Variants in ZFAND3 observed in about 807,000 individuals in gnomAD.
ZFAND3 encodes AN1-type zinc finger protein 3.
A neutral mutation model predicts 29.6 loss-of-function variants in ZFAND3; 10 were observed. The observed-to-expected ratio is 0.34, with a 90% CI of 0.21 to 0.57. The LOEUF is 0.57. Ranked by LOEUF, ZFAND3 falls within the 20% of genes least tolerant of loss-of-function variation. ZFAND3 has a pLI of 0.86. For synonymous variants in ZFAND3, 128 were observed against 112.6 expected (o/e 1.14, Z -0.87); for missense variants, 230 against 304.5 (o/e 0.76, Z 1.82).
chr6:37,995,089 G>A (rs1436131808), intron 2 of ZFAND3, among the ~76,000 whole-genome samples: 2 of 152,162 alleles, frequency 1.3e-5, no homozygotes, highest in African/African-American at 2.4e-5. Flanking sequence ...GAAAGGTGGT[G>A]GCATGATAAT....
intron 5 of ZFAND3, among the ~76,000 whole-genome samples, chr6:38,118,811 C>G (rs1765471044): frequency 6.6e-6 from 1 of 151,366 alleles, no homozygotes; most frequent in African/African-American, 2.4e-5. Context: ...CACATTCACT[C>G]AAGTAAAGCC....
chr6:38,033,902 G>A (rs549603698), intron 2 of ZFAND3, among the ~76,000 whole-genome samples: 1 of 152,238 alleles, frequency 6.6e-6, no homozygotes, highest in Non-Finnish European at 1.5e-5. Flanking sequence ...ATTTAAACAA[G>A]CAGAGTTAAA....
intron 4 of ZFAND3, among the ~76,000 whole-genome samples, chr6:38,094,159 A>C (rs567893982): frequency 6.6e-6 from 1 of 152,162 alleles, no homozygotes; most frequent in Non-Finnish European, 1.5e-5. Flanking sequence ...AAATAATACC[A>C]TAAGTTGTAA....
At chr6:38,148,592 T>A (rs949249961) in intron 5 of ZFAND3, among the ~76,000 whole-genome samples, 6 of 152,140 alleles carry the variant, frequency 3.9e-5, no homozygotes, top group Non-Finnish European at 5.9e-5. Flanking sequence ...GACTCATCTC[T>A]CTCCTTACCC....
At chr6:37,950,580 T>C (rs1761981416) in intron 2 of ZFAND3, among the ~76,000 whole-genome samples, 1 of 152,076 alleles carries the variant, frequency 6.6e-6, no homozygotes, top group Admixed American at 6.5e-5. Flanking sequence ...GGTTTCACCA[T>C]CCTGGCCAGG....
intron 2 of ZFAND3, among the ~76,000 whole-genome samples, chr6:38,057,006 G>A (rs968045504): frequency 1.3e-5 from 2 of 152,154 alleles, no homozygotes; most frequent in Non-Finnish European, 2.9e-5. Flanking sequence ...TTCAAGACAA[G>A]TTTAAGACCT....
intron 2 of ZFAND3, among the ~76,000 whole-genome samples, chr6:38,018,749 A>G (rs1426104854): frequency 1.3e-5 from 2 of 152,118 alleles, no homozygotes; most frequent in African/African-American, 4.8e-5. Context: ...TCCAGTTATT[A>G]TTTGTGTATG....
intron 2 of ZFAND3, among the ~76,000 whole-genome samples, chr6:38,054,803 A>G (rs1412056303): frequency 6.6e-6 from 1 of 152,250 alleles, no homozygotes; most frequent in African/African-American, 2.4e-5. Context: ...CTGTTTAAAC[A>G]GTTTATTCTT....
chr6:37,922,937 T>A (rs181432697), intron 1 of ZFAND3, among the ~76,000 whole-genome samples: 113 of 152,352 alleles, frequency 7.4e-4, no homozygotes, highest in African/African-American at 2.6e-3. Flanking sequence ...TAGGCTACAC[T>A]AAGTTTATTT....
chr6:38,030,746 G>A (rs2127451543), intron 2 of ZFAND3, among the ~76,000 whole-genome samples: 1 of 152,176 alleles, frequency 6.6e-6, no homozygotes, highest in East Asian at 1.9e-4. Flanking sequence ...GGGAGTCTAT[G>A]ACCTACAGGT....
At chr6:38,003,167 G>GT (rs1762980250) in intron 2 of ZFAND3, 1 of 153,368 alleles carries the variant, frequency 6.5e-6, no homozygotes, top group Non-Finnish European at 1.5e-5. Flanking sequence ...ACAGTTTAGA[G>GT]TGACCCAACG....
At chr6:38,151,119 C>T (rs1183108414) in intron 5 of ZFAND3, among the ~76,000 whole-genome samples, 1 of 152,182 alleles carries the variant, frequency 6.6e-6, no homozygotes, top group Non-Finnish European at 1.5e-5. Context: ...TAGAGATTGC[C>T]TGGGAAGCTG....
At chr6:38,046,817 AT>A (rs1763912865) in intron 2 of ZFAND3, among the ~76,000 whole-genome samples, 1 of 152,176 alleles carries the variant, frequency 6.6e-6, no homozygotes. Flanking sequence ...ACAAAACTTT[AT>A]TTTCAGTAAG....
intron 1 of ZFAND3, among the ~76,000 whole-genome samples, chr6:37,873,220 G>T (rs570662640): frequency 1.3e-5 from 2 of 152,216 alleles, no homozygotes; most frequent in East Asian, 3.8e-4. Flanking sequence ...GCGGTGAGCC[G>T]AGATCACGCC....
intron 3 of ZFAND3, among the ~76,000 whole-genome samples, chr6:38,070,600 G>T (rs1278274545): frequency 1.3e-5 from 2 of 151,920 alleles, no homozygotes; most frequent in Non-Finnish European, 2.9e-5. Flanking sequence ...TTCTCTGGAG[G>T]TTGTTTTTAA....
chr6:38,139,745 G>A (rs1020443673), intron 5 of ZFAND3, among the ~76,000 whole-genome samples: 14 of 152,144 alleles, frequency 9.2e-5, no homozygotes, highest in Admixed American at 2.6e-4. Context: ...GATGTGGGGC[G>A]ACCACCTAAA....
At chr6:37,861,749 T>G (rs547282411) in intron 1 of ZFAND3, among the ~76,000 whole-genome samples, 3 of 152,270 alleles carry the variant, frequency 2.0e-5, no homozygotes, top group Non-Finnish European at 4.4e-5. Flanking sequence ...CAGAGCCTTA[T>G]GTATTATGAT....
intron 1 of ZFAND3, among the ~76,000 whole-genome samples, chr6:37,831,836 A>G (rs1164076632): frequency 2.0e-5 from 3 of 152,184 alleles, no homozygotes; most frequent in South Asian, 2.1e-4. Flanking sequence ...ACCTGGGGAG[A>G]TGAGCAGGGG....
intron 1 of ZFAND3, among the ~76,000 whole-genome samples, chr6:37,836,687 A>G (rs576831166): frequency 2.6e-5 from 4 of 152,350 alleles, no homozygotes; most frequent in African/African-American, 9.6e-5. Context: ...AACATCTTTC[A>G]TTAATCATTC....
Sources: gnomAD v4.1 joint callset for allele counts (sites outside exome capture counted in the v4.1 genomes callset) on GRCh38, gnomAD v4.1.1 for gene constraint, MANE v1.5 for transcripts, NCBI Gene and HGNC (gene_info 2026-07-23, HGNC 2026-07-21) for gene names.